The following GALNT13 variants were observed in gnomAD, a reference collection of about 807,000 sequenced individuals.
GALNT13 encodes the protein polypeptide N-acetylgalactosaminyltransferase 13.
Under a neutral mutation model 64.2 loss-of-function variants are expected in GALNT13, and 28 were observed. That is an observed-to-expected ratio of 0.44 (90% CI 0.32 to 0.60). GALNT13 has a LOEUF of 0.60. GALNT13 is among the 20% of genes least tolerant of loss of function. The probability of loss-of-function intolerance (pLI) is 0.05; values close to 1 mark genes in which losing one functional copy is unlikely to be tolerated. For missense variants in GALNT13, 577 were observed against 669.8 expected, an observed-to-expected ratio of 0.86 and a Z score of 1.53; for synonymous variants, 214 against 224.6, an observed-to-expected ratio of 0.95 and a Z score of 0.42.
the GALNT13 span, among the ~76,000 whole-genome samples, chr2:153,574,378 T>C: frequency 3.9e-5 from 6 of 152,138 alleles, no homozygotes; most frequent in African/African-American, 1.2e-4. Flanking sequence ...CTTGCAGATA[T>C]TGATATCTAT....
chr2:154,245,713 AT>A, intron 6 of GALNT13, 98 bp from the exon 7 acceptor site: 1 of 766,238 alleles, frequency 1.3e-6, no homozygotes, highest in Non-Finnish European at 2.1e-6. Flanking sequence ...AAGTAACAAA[AT>A]AATTAAATTT....
At chr2:154,129,146 A>G (rs1026272730) in intron 3 of GALNT13, among the ~76,000 whole-genome samples, 2 of 152,182 alleles carry the variant, frequency 1.3e-5, no homozygotes, top group African/African-American at 2.4e-5. Flanking sequence ...GGATTCCACT[A>G]TATGTGCCTC....
chr2:154,172,658 G>A (rs962855308), intron 4 of GALNT13, among the ~76,000 whole-genome samples: 3 of 151,826 alleles, frequency 2.0e-5, no homozygotes, highest in Non-Finnish European at 4.4e-5. Context: ...TAGAGTGTGT[G>A]TGTGTGTGTG....
At chr2:153,187,659 G>C in the GALNT13 span, 2 of 152,006 alleles carry the variant, frequency 1.3e-5, no homozygotes, top group African/African-American at 2.4e-5. Context: ...TAAATATAAG[G>C]ATACAAATAA....
the GALNT13 span, among the ~76,000 whole-genome samples, chr2:153,622,087 G>T: frequency 6.6e-6 from 1 of 152,084 alleles, no homozygotes; most frequent in Non-Finnish European, 1.5e-5. Flanking sequence ...GTTTTGAGAG[G>T]TAACATCATT....
At chr2:153,281,056 T>C in the GALNT13 span, among the ~76,000 whole-genome samples, 33 of 152,330 alleles carry the variant, frequency 2.2e-4, no homozygotes, top group African/African-American at 7.0e-4. Flanking sequence ...GTTGGGTGCC[T>C]ATGCATTTAG....
chr2:153,295,034 A>G, the GALNT13 span, among the ~76,000 whole-genome samples: 3 of 152,168 alleles, frequency 2.0e-5, no homozygotes, highest in Non-Finnish European at 2.9e-5. Flanking sequence ...AACCTGAAGC[A>G]TAGTCAACTT....
chr2:153,392,624 C>A, the GALNT13 span, among the ~76,000 whole-genome samples: 1 of 152,028 alleles, frequency 6.6e-6, no homozygotes, highest in Admixed American at 6.6e-5. Context: ...TGACAAAACT[C>A]CCTCTTCCTC....
chr2:154,174,737 A>G (rs757670291), intron 4 of GALNT13, among the ~76,000 whole-genome samples: 7 of 152,178 alleles, frequency 4.6e-5, no homozygotes, highest in Non-Finnish European at 1.0e-4. Context: ...TTGGGAAATA[A>G]GACTGAAGCT....
chr2:153,307,797 A>G, the GALNT13 span, among the ~76,000 whole-genome samples: 9 of 152,146 alleles, frequency 5.9e-5, no homozygotes, highest in African/African-American at 1.9e-4. Flanking sequence ...ACCACTTTGA[A>G]AATGTAATTA....
the GALNT13 span, among the ~76,000 whole-genome samples, chr2:153,081,094 A>G: frequency 3.2e-3 from 494 of 152,062 alleles, 2 homozygotes; most frequent in African/African-American, 0.011. Context: ...ATGATCTGAG[A>G]TGTTTGGTTT....
chr2:154,360,887 T>C (rs972565645), intron 9 of GALNT13, among the ~76,000 whole-genome samples: 10 of 151,968 alleles, frequency 6.6e-5, no homozygotes, highest in Non-Finnish European at 1.3e-4. Context: ...GTTGAGGCAT[T>C]TGACTTGGGA....
chr2:153,544,761 G>T, the GALNT13 span, among the ~76,000 whole-genome samples: 1 of 152,188 alleles, frequency 6.6e-6, no homozygotes, highest in Non-Finnish European at 1.5e-5. Flanking sequence ...TTTAATCATG[G>T]TAGAGATTAT....
chr2:153,739,563 A>G, the GALNT13 span, among the ~76,000 whole-genome samples: 6 of 53,054 alleles, frequency 1.1e-4, no homozygotes, highest in African/African-American at 3.3e-4. Context: ...TTTATTTATT[A>G]TTTTATTTAT....
At chr2:153,278,149 G>A in the GALNT13 span, among the ~76,000 whole-genome samples, 1 of 151,582 alleles carries the variant, frequency 6.6e-6, no homozygotes, top group African/African-American at 2.4e-5. Flanking sequence ...TAGCCAGGAT[G>A]GTCTCAATCT....
At chr2:154,265,728 C>A in intron 8 of GALNT13, among the ~76,000 whole-genome samples, 1 of 152,030 alleles carries the variant, frequency 6.6e-6, no homozygotes, top group East Asian at 1.9e-4. Context: ...AATGCTTCCA[C>A]AAAATTGAAA....
At chr2:153,647,170 A>G in the GALNT13 span, among the ~76,000 whole-genome samples, 1 of 152,194 alleles carries the variant, frequency 6.6e-6, no homozygotes, top group Non-Finnish European at 1.5e-5. Context: ...CTGGTGTGAG[A>G]TGATATCTCA....
the GALNT13 span, among the ~76,000 whole-genome samples, chr2:153,833,687 A>G: frequency 6.6e-6 from 1 of 152,134 alleles, no homozygotes; most frequent in Non-Finnish European, 1.5e-5. Context: ...CTTGAAATGA[A>G]TCTTTCATAG....
At chr2:153,939,019 A>G (rs1430665452) in intron 2 of GALNT13, among the ~76,000 whole-genome samples, 2 of 152,186 alleles carry the variant, frequency 1.3e-5, no homozygotes, top group African/African-American at 4.8e-5. Context: ...CTGTTCTCAT[A>G]TAGCTTACCA....
Sources: allele counts gnomAD v4.1 joint callset (sites outside exome capture counted in the v4.1 genomes callset), GRCh38; gene constraint gnomAD v4.1.1; transcripts MANE v1.5; gene names NCBI Gene and HGNC (gene_info 2026-07-23, HGNC 2026-07-21).